The following UNC13B variants were observed in gnomAD, a reference collection of about 807,000 sequenced individuals.
The protein encoded by UNC13B is unc-13 homolog B.
In UNC13B, 144 loss-of-function variants were observed where a neutral mutation model predicts 211.0. The observed-to-expected ratio is 0.68, with a 90% confidence interval of 0.60 to 0.78. The LOEUF (loss-of-function observed/expected upper bound fraction) is 0.78. Ranked by LOEUF, UNC13B falls within the 30% of genes least tolerant of loss-of-function variation. UNC13B has a pLI of 0.00. For missense variants in UNC13B, 1,777 were observed against 2,002.0 expected, an observed-to-expected ratio of 0.89 and a Z score of 2.14; for synonymous variants, 709 against 725.8, an observed-to-expected ratio of 0.98 and a Z score of 0.37.
chr9:35,381,030 A>T (rs896955032), intron 18 of UNC13B, 70 bp from the exon 19 acceptor site: 4 of 1,466,480 alleles, frequency 2.7e-6, no homozygotes, highest in Admixed American at 4.0e-5. Context: ...TCCTTGGGTT[A>T]AGCCAGAATG....
chr9:35,162,262 G>A lies in UNC13B; in HGVS notation c.-22G>A. The A allele has an allele frequency of 6.5e-7, 1 of 1,541,910 alleles. No homozygotes were observed. Among genetic ancestry groups the A allele is most frequent in the Middle Eastern group, 1.7e-4 (1 of 5,934 alleles). On this transcript the variant is annotated 5_prime_UTR_variant, in exon 1 of 40. Coordinates refer to ENST00000635942, the MANE Select transcript of UNC13B (RefSeq NM_001371189.2). ...GGTCCGGCGCGGCTGGGGCGCGGCA[G>A]AGGCTTGCCCGATCCTCGGCCATGT...
Position 35,301,354 on chromosome 9 carries a change from T to C in UNC13B, c.1950T>C (p.Val650=). The change falls in exon 9 of 40, where the codon GTT becomes GTC. Residue 650 remains valine (V), a synonymous_variant. Coordinates refer to ENST00000635942, the MANE Select transcript of UNC13B (RefSeq NM_001371189.2). ...TGGCTCCACAGAGTCAGAGTTCAGT[T>C]ATAAAGTCGGTTTTCAGCAGGTTAA... ...KDLAPQSQSS[V]IKSVFSRLNP... is the part of the protein sequence containing the mutation. 1 of 398,640 alleles carries C rather than the reference T, an allele frequency of 2.5e-6. No homozygotes were observed. The highest frequency in any genetic ancestry group is 4.4e-6 in the Non-Finnish European group (1 of 225,930). 24.7% of individuals were successfully genotyped at this position (398,640 alleles called of 1,614,324 possible). A position where few individuals can be genotyped will look rare whatever the true frequency, so the allele number is the denominator to read the frequency against.
intron 7 of UNC13B, among the ~76,000 whole-genome samples, chr9:35,270,078 C>T (rs529711503): frequency 2.0e-4 from 31 of 152,306 alleles, no homozygotes; most frequent in African/African-American, 7.0e-4. Context: ...ATTCCAAGCT[C>T]ATCTTGTACT....
chr9:35,403,046 T>A, intron 37 of UNC13B, 121 bp from the exon 38 acceptor site: 1 of 754,104 alleles, frequency 1.3e-6, no homozygotes, highest in Non-Finnish European at 2.3e-6. Context: ...TATTGCTTAC[T>A]TCCCATGGTT....
chr9:35,292,532 C>T (rs1328532881), intron 7 of UNC13B, among the ~76,000 whole-genome samples: 1 of 152,192 alleles, frequency 6.6e-6, no homozygotes, highest in Non-Finnish European at 1.5e-5. Context: ...AAAGCCATCT[C>T]CTCCTTAAAG....
chr9:35,340,038 A>G (rs1228911482), intron 11 of UNC13B, among the ~76,000 whole-genome samples: 1 of 152,194 alleles, frequency 6.6e-6, no homozygotes, highest in African/African-American at 2.4e-5. Context: ...TTCTAATTTA[A>G]TCAATCTTCC....
intron 6 of UNC13B, among the ~76,000 whole-genome samples, chr9:35,257,813 T>C (rs149334794): frequency 1.5e-4 from 23 of 152,196 alleles, no homozygotes; most frequent in Non-Finnish European, 2.4e-4. Context: ...TGAAATGCTC[T>C]TCACCACTGA....
At chr9:35,290,724 G>A (rs1365931591) in intron 7 of UNC13B, among the ~76,000 whole-genome samples, 1 of 151,882 alleles carries the variant, frequency 6.6e-6, no homozygotes, top group Non-Finnish European at 1.5e-5. Flanking sequence ...ACAAAGGAAA[G>A]ACATGAGCTC....
At chr9:35,399,877 A>C in intron 36 of UNC13B, 148 bp downstream of exon 36, 1 of 819,684 alleles carries the variant, frequency 1.2e-6, no homozygotes, top group Non-Finnish European at 2.0e-6. Flanking sequence ...ACAGAATCAG[A>C]TATGGTTCCT....
At chr9:35,162,966 G>C (rs77251468) in intron 1 of UNC13B, among the ~76,000 whole-genome samples, 1 of 152,214 alleles carries the variant, frequency 6.6e-6, no homozygotes, top group Admixed American at 6.5e-5. Context: ...CATCTAAGAA[G>C]ATATCTTAAA....
intron 7 of UNC13B, among the ~76,000 whole-genome samples, chr9:35,295,450 A>T (rs545556543): frequency 6.6e-6 from 1 of 152,260 alleles, no homozygotes; most frequent in African/African-American, 2.4e-5. Flanking sequence ...TGCAACCTAG[A>T]GCTCCTCTAA....
At chr9:35,364,514 G>A (rs1426990802) in intron 11 of UNC13B, 1 of 1,535,822 alleles carries the variant, frequency 6.5e-7, no homozygotes, top group Non-Finnish European at 8.7e-7. Flanking sequence ...TAACCTTTCT[G>A]CCCTTTTTTC....
At chr9:35,219,048 C>A (rs1824423186) in intron 1 of UNC13B, among the ~76,000 whole-genome samples, 1 of 152,100 alleles carries the variant, frequency 6.6e-6, no homozygotes, top group African/African-American at 2.4e-5. Context: ...TGTGCCCGGC[C>A]AGTGTTCGTG....
At chr9:35,382,853 C>T (rs565473389) in intron 21 of UNC13B, among the ~76,000 whole-genome samples, 2 of 152,114 alleles carry the variant, frequency 1.3e-5, no homozygotes, top group South Asian at 2.1e-4. Context: ...CTTGAGCCAC[C>T]GTGCCCAGCC....
chr9:35,217,143 GCA>G (rs915815570), intron 1 of UNC13B, among the ~76,000 whole-genome samples: 1 of 152,064 alleles, frequency 6.6e-6, no homozygotes, highest in African/African-American at 2.4e-5. Flanking sequence ...ACAGAACTAC[GCA>G]CACACATCAG....
intron 1 of UNC13B, among the ~76,000 whole-genome samples, chr9:35,208,598 T>C (rs552274041): frequency 6.6e-6 from 1 of 152,316 alleles, no homozygotes; most frequent in Admixed American, 6.5e-5. Flanking sequence ...ACATCTTACA[T>C]GGCAGAAGCA....
rs371473723 is a variant in UNC13B at position 35,396,516 on chromosome 9, G to A, written c.11349G>A (p.Met3783Ile). The change falls in exon 27 of 40, where the codon ATG becomes ATA. Residue 3783 changes from methionine to isoleucine, a missense_variant. By Grantham distance (10) the Met-to-Ile change is conservative (BLOSUM62 1). Coordinates refer to ENST00000635942, the MANE Select transcript of UNC13B (RefSeq NM_001371189.2). ...ACCTGTGTAAAAGTGCTGACTACAT[G>A]AACCTGCACTTCAAGGTGAAGTGGC... ...KDHLCKSADYMNLHFKVKWLH... is the reference protein window; with the variant it reads ...KDHLCKSADYINLHFKVKWLH... 214 of 1,614,038 alleles carry A rather than the reference G, an allele frequency of 1.3e-4. No homozygotes were observed. Among genetic ancestry groups the A allele is most frequent in the Non-Finnish European group, 1.6e-4 (191 of 1,180,038 alleles).
At chr9:35,367,058 C>G in intron 12 of UNC13B, 65 bp downstream of exon 12, 1 of 1,505,998 alleles carries the variant, frequency 6.6e-7, no homozygotes, top group Non-Finnish European at 9.2e-7. Context: ...TTTAGCTTTT[C>G]CCCTGGGAAG....
intron 22 of UNC13B, chr9:35,384,997 T>G: frequency 7.2e-6 from 7 of 970,014 alleles, no homozygotes; most frequent in Non-Finnish European, 8.6e-6. Flanking sequence ...TTTAATTGTC[T>G]GCACTCAAGT....
Sources: allele counts gnomAD v4.1 joint callset (sites outside exome capture counted in the v4.1 genomes callset), GRCh38; gene constraint gnomAD v4.1.1; transcripts MANE v1.5; gene names NCBI Gene and HGNC (gene_info 2026-07-23, HGNC 2026-07-21).